Variants in EDIL3 observed in about 807,000 individuals in gnomAD.
EDIL3 encodes the protein EGF like and discoidin domains 3, also known as EGF-like repeat and discoidin I-like domain-containing protein 3.
Under a neutral mutation model 67.4 loss-of-function variants are expected in EDIL3, and 37 were observed. The ratio of observed to expected loss-of-function variants is 0.55; its 90% CI spans 0.42 to 0.72. The LOEUF is 0.72. EDIL3 is among the 30% of genes least tolerant of loss of function. The pLI, the probability that EDIL3 is intolerant of heterozygous loss-of-function variation, is 0.00. For missense variants in EDIL3, 527 were observed against 586.3 expected (o/e 0.90, Z 1.04); for synonymous variants, 195 against 196.3 (o/e 0.99, Z 0.05).
At chr5:84,027,112 G>A (rs1745829831) in intron 9 of EDIL3, among the ~76,000 whole-genome samples, 1 of 151,948 alleles carries the variant, frequency 6.6e-6, no homozygotes, top group Non-Finnish European at 1.5e-5. Context: ...AAAGAAATAA[G>A]TAAATATAAA....
At position 84,283,753 on chromosome 5, in the gene EDIL3, C is replaced by A. The variant is rs565710277; in HGVS notation, c.68-29541G>T. Among the ~76,000 whole-genome samples the A allele has an allele frequency of 3.9e-5, 6 of 152,268 alleles. No homozygotes were observed. In the East Asian group the frequency reaches 9.7e-4, roughly 25 times the overall value. On this transcript the variant is annotated intron_variant, in intron 1 of 10. Transcript: ENST00000296591. The stretch of plus-strand genomic sequence containing the variant: ...TGTCCTAGCATATATTCCTAGTTTT[C>A]TTTCTACTCCTCTGTAAGCTTTTTT...
At chr5:84,123,799 T>G (rs1182423766) in intron 5 of EDIL3, among the ~76,000 whole-genome samples, 1 of 151,918 alleles carries the variant, frequency 6.6e-6, no homozygotes, top group Non-Finnish European at 1.5e-5. Context: ...AAACTGTATG[T>G]ACTGTCATAT....
chr5:84,100,225 G>T (rs773187291), intron 6 of EDIL3, among the ~76,000 whole-genome samples: 1 of 152,008 alleles, frequency 6.6e-6, no homozygotes, highest in Admixed American at 6.6e-5. Flanking sequence ...CCCATTACTG[G>T]ATATATACCC....
intron 4 of EDIL3, among the ~76,000 whole-genome samples, chr5:84,178,192 C>G (rs1230377158): frequency 2.0e-5 from 3 of 152,106 alleles, no homozygotes; most frequent in Non-Finnish European, 2.9e-5. Flanking sequence ...TGTAGTATTT[C>G]TCAAATTTCA....
At position 84,177,875 on chromosome 5, in the gene EDIL3, A is replaced by G. The variant is rs142160371; in HGVS notation, c.355+2518T>C. On this transcript the variant is annotated intron_variant, in intron 4 of 10. Transcript: ENST00000296591. ...TAGACCTATTAACTATATATTTGTCACTCCTGTATCATGAAATTTAAAGTT... is the reference window on the plus strand; with the variant it reads ...TAGACCTATTAACTATATATTTGTCGCTCCTGTATCATGAAATTTAAAGTT... 2.2e-3 allele frequency among the ~76,000 whole-genome samples: 328 copies of G among 152,204 alleles called. 2 individuals carry two copies. Among genetic ancestry groups the G allele is most frequent in the African/African-American group, 7.4e-3 (306 of 41,542 alleles).
chr5:84,204,983 G>C (rs1477504511), intron 3 of EDIL3, among the ~76,000 whole-genome samples: 1 of 152,004 alleles, frequency 6.6e-6, no homozygotes, highest in Non-Finnish European at 1.5e-5. Flanking sequence ...CGCAATCACA[G>C]CTCACCATAG....
At chr5:84,136,215 T>A (rs1748089290) in intron 5 of EDIL3, among the ~76,000 whole-genome samples, 2 of 152,170 alleles carry the variant, frequency 1.3e-5, no homozygotes, top group Non-Finnish European at 2.9e-5. Context: ...ACTAAATAGC[T>A]GTGAAAGCTT....
At chr5:84,056,495 A>C in intron 9 of EDIL3, among the ~76,000 whole-genome samples, 1 of 149,550 alleles carries the variant, frequency 6.7e-6, no homozygotes. Flanking sequence ...AGAATGTTAA[A>C]ATGAGATTTG....
intron 2 of EDIL3, among the ~76,000 whole-genome samples, chr5:84,248,942 T>C (rs1397483797): frequency 6.6e-6 from 1 of 152,174 alleles, no homozygotes; most frequent in Non-Finnish European, 1.5e-5. Flanking sequence ...TGTATTTTGC[T>C]GTAATTTGTT....
At chr5:84,053,478 C>T (rs1368106598) in intron 9 of EDIL3, among the ~76,000 whole-genome samples, 2 of 151,908 alleles carry the variant, frequency 1.3e-5, no homozygotes, top group East Asian at 3.9e-4. Context: ...CTGAAGGAGA[C>T]AGAGACACAA....
chr5:84,276,975 T>C (rs1021008480), intron 1 of EDIL3, among the ~76,000 whole-genome samples: 1 of 152,180 alleles, frequency 6.6e-6, no homozygotes, highest in Admixed American at 6.5e-5. Context: ...TTTAACCATT[T>C]AAACTTTTCA....
chr5:84,102,250 C>G (rs1747380572), intron 6 of EDIL3, among the ~76,000 whole-genome samples: 1 of 152,064 alleles, frequency 6.6e-6, no homozygotes, highest in Non-Finnish European at 1.5e-5. Context: ...CTCTTGAAAA[C>G]AGAAATGAGA....
At chr5:84,262,358 G>C (rs1365256249) in intron 1 of EDIL3, among the ~76,000 whole-genome samples, 1 of 152,112 alleles carries the variant, frequency 6.6e-6, no homozygotes, top group Non-Finnish European at 1.5e-5. Flanking sequence ...GAGGGAAAGA[G>C]GAAGTTTGGA....
chr5:84,159,977 T>C (rs1269574866), intron 4 of EDIL3, among the ~76,000 whole-genome samples: 1 of 152,126 alleles, frequency 6.6e-6, no homozygotes, highest in Non-Finnish European at 1.5e-5. Context: ...TTCTCACCGC[T>C]TGTGTTGTTG....
At chr5:84,243,616 G>A (rs1426911855) in intron 2 of EDIL3, among the ~76,000 whole-genome samples, 1 of 152,140 alleles carries the variant, frequency 6.6e-6, no homozygotes, top group Admixed American at 6.5e-5. Context: ...TGAACACATT[G>A]TATTAAAAAG....
At chr5:84,357,055 G>A (rs889074740) in intron 1 of EDIL3, among the ~76,000 whole-genome samples, 3 of 151,168 alleles carry the variant, frequency 2.0e-5, no homozygotes, top group Non-Finnish European at 2.9e-5. Flanking sequence ...CTCCTGAGTA[G>A]CTGGGATTAC....
intron 6 of EDIL3, among the ~76,000 whole-genome samples, chr5:84,084,568 T>A (rs968990395): frequency 2.6e-5 from 4 of 152,188 alleles, no homozygotes; most frequent in African/African-American, 9.6e-5. Flanking sequence ...TTACAACTTA[T>A]TTTTCCAGCT....
intron 9 of EDIL3, among the ~76,000 whole-genome samples, chr5:84,019,690 AG>A (rs1290005113): frequency 6.6e-6 from 1 of 152,140 alleles, no homozygotes; most frequent in East Asian, 1.9e-4. Flanking sequence ...AAAATGTAAA[AG>A]AGGGAAATGA....
chr5:84,057,181 T>C (rs1746463129), intron 9 of EDIL3, among the ~76,000 whole-genome samples: 1 of 152,174 alleles, frequency 6.6e-6, no homozygotes. Flanking sequence ...AAGTCTATTA[T>C]GAACACAATG....
Sources: allele counts gnomAD v4.1 joint callset (sites outside exome capture counted in the v4.1 genomes callset), GRCh38; gene constraint gnomAD v4.1.1; transcripts MANE v1.5; gene names NCBI Gene and HGNC (gene_info 2026-07-23, HGNC 2026-07-21).